Variants in SOX5 observed in about 807,000 individuals in gnomAD.
SOX5 encodes the protein transcription factor SOX-5.
A neutral mutation model predicts 92.0 loss-of-function variants in SOX5; 9 were observed. The ratio of observed to expected loss-of-function variants is 0.10; its 90% CI spans 0.06 to 0.17. The LOEUF is 0.17. SOX5 is among the 10% of genes least tolerant of loss of function. The pLI is 1.00. For synonymous variants in SOX5, 344 were observed against 336.3 expected (o/e 1.02, Z -0.25); for missense variants, 642 against 944.5 (o/e 0.68, Z 4.20).
chr12:24,224,546 T>C (rs1594482427), intron 3 of SOX5, among the ~76,000 whole-genome samples: 1 of 150,482 alleles, frequency 6.6e-6, no homozygotes, highest in African/African-American at 2.5e-5. Context: ...AGGATGTATG[T>C]GTGTGTGTGT....
chr12:24,467,670 G>A (rs773285987), intron 1 of SOX5, among the ~76,000 whole-genome samples: 1 of 152,116 alleles, frequency 6.6e-6, no homozygotes, highest in African/African-American at 2.4e-5. Flanking sequence ...TTTTTTCCCG[G>A]ATATGATGGA....
chr12:23,599,106 T>C (rs377709167), intron 9 of SOX5, among the ~76,000 whole-genome samples: 1 of 152,176 alleles, frequency 6.6e-6, no homozygotes, highest in East Asian at 1.9e-4. Context: ...AGCAAAAAAA[T>C]AGGTTCCCTA....
chr12:24,450,029 G>A (rs11047450), intron 1 of SOX5, among the ~76,000 whole-genome samples: 35,409 of 152,052 alleles, frequency 0.23, 4,966 homozygotes, highest in East Asian at 0.67. Context: ...ATGAGTATGC[G>A]CAACCACAAT....
intron 3 of SOX5, among the ~76,000 whole-genome samples, chr12:24,233,231 G>T (rs890330886): frequency 6.6e-6 from 1 of 151,984 alleles, no homozygotes; most frequent in African/African-American, 2.4e-5. Flanking sequence ...AGAAAAATAG[G>T]ATAAGGGTTA....
chr12:23,853,550 T>G (rs189915426), intron 2 of SOX5, among the ~76,000 whole-genome samples: 21 of 151,782 alleles, frequency 1.4e-4, no homozygotes, highest in African/African-American at 1.9e-4. Flanking sequence ...CGTGTTTTTT[T>G]TTTTTTTTTT....
At chr12:23,858,325 T>C (rs945820706) in intron 2 of SOX5, among the ~76,000 whole-genome samples, 2 of 151,994 alleles carry the variant, frequency 1.3e-5, no homozygotes, top group African/African-American at 2.4e-5. Flanking sequence ...CCAGCATCTA[T>C]AAGGAACTAA....
intron 3 of SOX5, among the ~76,000 whole-genome samples, chr12:24,256,933 G>A (rs1406698641): frequency 6.6e-6 from 1 of 152,208 alleles, no homozygotes; most frequent in Admixed American, 6.5e-5. Context: ...AGACAGAACA[G>A]CCTCACTGAG....
chr12:24,081,802 A>G (rs986350177), intron 4 of SOX5, among the ~76,000 whole-genome samples: 3 of 151,866 alleles, frequency 2.0e-5, no homozygotes, highest in South Asian at 2.1e-4. Flanking sequence ...TCAACACCCA[A>G]TAGCCATTCA....
chr12:23,788,641 T>A (rs1377909069), intron 3 of SOX5, among the ~76,000 whole-genome samples: 1 of 151,948 alleles, frequency 6.6e-6, no homozygotes, highest in Non-Finnish European at 1.5e-5. Flanking sequence ...CTTGGGGTAA[T>A]CAGATATGAA....
At chr12:23,831,957 T>TACAGACACACACAC (rs1555370330) in intron 3 of SOX5, among the ~76,000 whole-genome samples, 1 of 142,732 alleles carries the variant, frequency 7.0e-6, no homozygotes, top group African/African-American at 2.7e-5. Context: ...AAAGGGGAAC[T>TACAGACACACACAC]ACACACACAC....
intron 4 of SOX5, among the ~76,000 whole-genome samples, chr12:24,077,772 C>CATATATATAT (rs35914700): frequency 0.014 from 1,604 of 116,764 alleles, 29 homozygotes; most frequent in Non-Finnish European, 0.019. Context: ...AAGGTATTTT[C>CATATATATAT]ATATATATAT....
intron 1 of SOX5, among the ~76,000 whole-genome samples, chr12:24,435,803 ACT>A (rs1316709883): frequency 3.3e-5 from 5 of 152,300 alleles, no homozygotes; most frequent in South Asian, 2.1e-4. Context: ...GTTTGTGACA[ACT>A]CTGCGTCAAA....
At chr12:23,884,549 G>T (rs1422365582) in intron 2 of SOX5, among the ~76,000 whole-genome samples, 1 of 152,110 alleles carries the variant, frequency 6.6e-6, no homozygotes, top group Non-Finnish European at 1.5e-5. Context: ...AAAAAATCAA[G>T]TAAAGATTGT....
At chr12:23,825,486 G>A (rs998544256) in intron 3 of SOX5, among the ~76,000 whole-genome samples, 2 of 152,208 alleles carry the variant, frequency 1.3e-5, no homozygotes, top group Admixed American at 6.5e-5. Context: ...CGTTGGTCTG[G>A]ATGGGAGCTG....
At chr12:24,267,084 G>C (rs913753283) in intron 3 of SOX5, among the ~76,000 whole-genome samples, 2 of 152,132 alleles carry the variant, frequency 1.3e-5, no homozygotes, top group African/African-American at 2.4e-5. Context: ...CTGTCACAAA[G>C]ATTTGACATG....
intron 4 of SOX5, among the ~76,000 whole-genome samples, chr12:24,053,859 T>C (rs769186257): frequency 2.6e-5 from 4 of 152,198 alleles, no homozygotes; most frequent in Non-Finnish European, 5.9e-5. Context: ...CCAATCTTTA[T>C]AGCAACCTAA....
At chr12:23,555,211 C>A (rs1037852146) in intron 11 of SOX5, among the ~76,000 whole-genome samples, 1 of 152,086 alleles carries the variant, frequency 6.6e-6, no homozygotes, top group East Asian at 1.9e-4. Context: ...AAATCAACAT[C>A]ATTCTATACA....
chr12:23,838,540 T>G lies in SOX5; in HGVS notation c.481+7443A>C, dbSNP rs907980950. Among the ~76,000 whole-genome samples the G allele has an allele frequency of 4.6e-5, 7 of 152,262 alleles. No individual in the cohort carries two copies. The South Asian group carries it at 1.4e-3, about 31-fold the overall frequency. On this transcript the variant is annotated intron_variant, in intron 3 of 14. Transcript: ENST00000451604. ...CCTTTCTGAAACTAACACTTTTAGA[T>G]GCTTGCTTTGTGCAATTTATATTCC...
chr12:23,671,992 G>A (rs1015659808), intron 6 of SOX5, among the ~76,000 whole-genome samples: 3 of 151,862 alleles, frequency 2.0e-5, no homozygotes, highest in Non-Finnish European at 4.4e-5. Flanking sequence ...CAAGCAAAGT[G>A]GCTTCAAAAC....
Sources: allele counts gnomAD v4.1 joint callset (sites outside exome capture counted in the v4.1 genomes callset), GRCh38; gene constraint gnomAD v4.1.1; transcripts MANE v1.5; gene names NCBI Gene and HGNC (gene_info 2026-07-23, HGNC 2026-07-21).